The following FHL5 variants were observed in gnomAD, a reference collection of about 807,000 sequenced individuals.
FHL5 encodes four and a half LIM domains 5.
In FHL5, 33 loss-of-function variants were observed where a neutral mutation model predicts 32.0. That is an observed-to-expected ratio of 1.03 (90% CI 0.78 to 1.38). The LOEUF (loss-of-function observed/expected upper bound fraction) is 1.38. FHL5 is among the 40% of genes most tolerant of loss of function. The pLI, the probability that FHL5 is intolerant of heterozygous loss-of-function variation, is 0.00. For missense variants in FHL5, 336 were observed against 343.9 expected, an observed-to-expected ratio of 0.98 and a Z score of 0.18; for synonymous variants, 114 against 113.6, an observed-to-expected ratio of 1.00 and a Z score of -0.02.
chr6:96,593,680 A>T (rs1188661375), intron 1 of FHL5, among the ~76,000 whole-genome samples: 2 of 152,138 alleles, frequency 1.3e-5, no homozygotes, highest in South Asian at 4.1e-4. Flanking sequence ...CAGAAGTGCC[A>T]TACAGCTTCT....
chr6:96,593,733 T>C (rs1321780712), intron 1 of FHL5, among the ~76,000 whole-genome samples: 1 of 152,116 alleles, frequency 6.6e-6, no homozygotes, highest in African/African-American at 2.4e-5. Flanking sequence ...TATTCTTCTG[T>C]GGAAAGCAAA....
At chr6:96,597,642 A>G (rs150249008) in intron 1 of FHL5, among the ~76,000 whole-genome samples, 1 of 152,324 alleles carries the variant, frequency 6.6e-6, no homozygotes. Flanking sequence ...TTTCAAATTT[A>G]TCTTCCAATA....
intron 5 of FHL5, among the ~76,000 whole-genome samples, chr6:96,614,880 T>A (rs376599868): frequency 5.3e-5 from 8 of 152,178 alleles, no homozygotes; most frequent in African/African-American, 1.9e-4. Flanking sequence ...CAAGTTAAAG[T>A]GGAGGAGGCT....
At chr6:96,604,637 G>T in intron 2 of FHL5, 113 bp from the exon 3 acceptor site, 1 of 678,732 alleles carries the variant, frequency 1.5e-6, no homozygotes. Context: ...TTTCCCTCAC[G>T]CTACTAGCAC....
intron 1 of FHL5, among the ~76,000 whole-genome samples, chr6:96,600,530 C>T (rs1435365941): frequency 2.0e-5 from 3 of 152,050 alleles, no homozygotes; most frequent in African/African-American, 4.8e-5. Flanking sequence ...AGATTTCCAA[C>T]AGCTTAACTT....
At chr6:96,598,148 G>A (rs1274634998) in intron 1 of FHL5, among the ~76,000 whole-genome samples, 1 of 152,088 alleles carries the variant, frequency 6.6e-6, no homozygotes, top group East Asian at 1.9e-4. Context: ...AGGTCAACTC[G>A]CTGCTGCCAC....
At chr6:96,567,331 T>C (rs956347217) in intron 1 of FHL5, among the ~76,000 whole-genome samples, 2 of 152,036 alleles carry the variant, frequency 1.3e-5, no homozygotes, top group Non-Finnish European at 2.9e-5. Flanking sequence ...TTCTCTATTA[T>C]GCTCCATTGT....
At chr6:96,610,170 A>G (rs1265401120) in intron 4 of FHL5, among the ~76,000 whole-genome samples, 1 of 152,200 alleles carries the variant, frequency 6.6e-6, no homozygotes, top group Non-Finnish European at 1.5e-5. Context: ...AAAAACCAAA[A>G]TTAAGAAAAT....
chr6:96,615,561 C>G, intron 5 of FHL5, 48 bp from the exon 6 acceptor site: 1 of 1,492,766 alleles, frequency 6.7e-7, no homozygotes, highest in Non-Finnish European at 9.1e-7. Flanking sequence ...AATGCTCAAT[C>G]TGTTCCTTGA....
At position 96,603,737 on chromosome 6, in the gene FHL5, G is replaced by A. The variant is rs147226482; in HGVS notation, c.124G>A (p.Glu42Lys). Reference protein sequence around the residue: ...CYDRVFSNYCEECKKPIESDS... With the variant: ...CYDRVFSNYCKECKKPIESDS... Reference sequence around the variant, plus strand: ...TGATCGTGTATTTTCTAACTATTGCGAGGAATGCAAAAAACCAATTGAATC... The same window carrying A: ...TGATCGTGTATTTTCTAACTATTGCAAGGAATGCAAAAAACCAATTGAATC... The change falls in exon 2 of 6, where the codon GAG (glutamate) becomes AAG (lysine). Residue 42 changes from glutamate (E) to lysine (K), a missense_variant. Glu to Lys is a moderately conservative substitution (Grantham distance 56). Transcript: ENST00000450218. The A allele has an allele frequency of 1.7e-5, 28 of 1,610,150 alleles. No homozygotes were observed. The highest frequency in any genetic ancestry group is 2.2e-5 in the East Asian group (1 of 44,674).
At chr6:96,586,746 A>G (rs1460435059) in intron 1 of FHL5, among the ~76,000 whole-genome samples, 1 of 152,184 alleles carries the variant, frequency 6.6e-6, no homozygotes, top group Non-Finnish European at 1.5e-5. Context: ...CAGAAACAAT[A>G]GCCAACACCA....
intron 1 of FHL5, among the ~76,000 whole-genome samples, chr6:96,600,722 T>G (rs1306460759): frequency 6.6e-6 from 1 of 152,144 alleles, no homozygotes; most frequent in Non-Finnish European, 1.5e-5. Context: ...TTCATGAAAA[T>G]GAGGAATGAA....
intron 1 of FHL5, among the ~76,000 whole-genome samples, chr6:96,586,964 C>T (rs1263738432): frequency 1.3e-5 from 2 of 152,104 alleles, no homozygotes; most frequent in African/African-American, 4.8e-5. Flanking sequence ...TTTGCCAGTC[C>T]GATCCTGAAG....
intron 2 of FHL5, 58 bp from the exon 3 acceptor site, chr6:96,604,692 T>C: frequency 7.0e-7 from 1 of 1,420,360 alleles, no homozygotes; most frequent in Admixed American, 2.0e-5. Context: ...TTTTGTTTCA[T>C]AAAATGGCCT....
At chr6:96,606,905 C>T (rs1363598152) in intron 4 of FHL5, among the ~76,000 whole-genome samples, 11 of 152,038 alleles carry the variant, frequency 7.2e-5, no homozygotes, top group Admixed American at 7.2e-4. Flanking sequence ...GGGCAATCGG[C>T]TCAAGAGAGT....
chr6:96,585,800 G>T (rs1562056306), intron 1 of FHL5, among the ~76,000 whole-genome samples: 1 of 152,222 alleles, frequency 6.6e-6, no homozygotes, highest in African/African-American at 2.4e-5. Context: ...CCAGAAGACC[G>T]TAATTATATC....
intron 1 of FHL5, among the ~76,000 whole-genome samples, chr6:96,567,345 A>G (rs1304886758): frequency 1.3e-5 from 2 of 151,908 alleles, no homozygotes; most frequent in Non-Finnish European, 2.9e-5. Context: ...CCATTGTTCT[A>G]TGTCTCTATT....
intron 1 of FHL5, among the ~76,000 whole-genome samples, chr6:96,574,418 TAATGAATG>T (rs1350515704): frequency 6.6e-6 from 1 of 152,228 alleles, no homozygotes; most frequent in African/African-American, 2.4e-5. Flanking sequence ...GATAGTATGA[TAATGAATG>T]AGTGTGGCTG....
intron 1 of FHL5, among the ~76,000 whole-genome samples, chr6:96,596,499 C>T (rs570378190): frequency 2.6e-5 from 4 of 152,122 alleles, no homozygotes; most frequent in African/African-American, 7.2e-5. Context: ...AATATATATT[C>T]TCTTCTTGTA....
Sources: gnomAD v4.1 joint callset for allele counts (sites outside exome capture counted in the v4.1 genomes callset) on GRCh38, gnomAD v4.1.1 for gene constraint, MANE v1.5 for transcripts, NCBI Gene and HGNC (gene_info 2026-07-23, HGNC 2026-07-21) for gene names.